Variants in NSRP1 observed in about 807,000 individuals in gnomAD.
NSRP1 encodes nuclear speckle splicing regulatory protein 1, also known as coiled-coil domain containing 55.
A neutral mutation model predicts 54.7 loss-of-function variants in NSRP1; 24 were observed. The observed-to-expected ratio is 0.44, with a 90% confidence interval of 0.32 to 0.62. The LOEUF is 0.62. Ranked by LOEUF, NSRP1 falls within the 20% of genes least tolerant of loss-of-function variation. The pLI, the probability that NSRP1 is intolerant of heterozygous loss-of-function variation, is 0.06. For synonymous variants in NSRP1, 210 were observed against 213.8 expected (o/e 0.98, Z 0.15); for missense variants, 596 against 651.2 (o/e 0.92, Z 0.92).
At chr17:30,135,284 A>C (rs547354411) in intron 2 of NSRP1, among the ~76,000 whole-genome samples, 2 of 151,156 alleles carry the variant, frequency 1.3e-5, no homozygotes, top group African/African-American at 4.9e-5. Context: ...ATGCCCAGCT[A>C]ATTTTTGTAT....
chr17:30,157,341 A>G (rs1041417919), intron 2 of NSRP1, among the ~76,000 whole-genome samples: 4 of 152,100 alleles, frequency 2.6e-5, no homozygotes, highest in Middle Eastern at 3.2e-3. Context: ...TATAATTTAC[A>G]TATTTATGGT....
intron 2 of NSRP1, among the ~76,000 whole-genome samples, chr17:30,149,834 CAAA>C (rs773066888): frequency 1.2e-4 from 12 of 98,696 alleles, no homozygotes; most frequent in Non-Finnish European, 4.1e-5. Context: ...GACCCTGTCT[CAAA>C]AAAAAAAAAA....
intron 2 of NSRP1, among the ~76,000 whole-genome samples, chr17:30,162,717 AAG>A (rs1904564194): frequency 6.6e-6 from 1 of 152,166 alleles, no homozygotes; most frequent in South Asian, 2.1e-4. Context: ...TTTCTACAAA[AAG>A]AAAAAATTCA....
chr17:30,179,697 G>A (rs1015742928), intron 5 of NSRP1, among the ~76,000 whole-genome samples: 1 of 151,954 alleles, frequency 6.6e-6, no homozygotes, highest in African/African-American at 2.4e-5. Flanking sequence ...CACCACTCAA[G>A]GAGGATCAAT....
intron 2 of NSRP1, among the ~76,000 whole-genome samples, chr17:30,118,834 C>T (rs953146941): frequency 1.5e-4 from 23 of 151,582 alleles, no homozygotes; most frequent in African/African-American, 5.3e-4. Context: ...CTGCAACCTC[C>T]GCCTCCTGGG....
At chr17:30,139,344 C>G (rs2071782137) in intron 2 of NSRP1, among the ~76,000 whole-genome samples, 1 of 152,124 alleles carries the variant, frequency 6.6e-6, no homozygotes, top group South Asian at 2.1e-4. Context: ...TTTCACTCTG[C>G]TGAAAGGGTC....
intron 5 of NSRP1, among the ~76,000 whole-genome samples, 198 bp from the exon 6 acceptor site, chr17:30,180,710 A>G (rs926683518): frequency 2.6e-5 from 4 of 152,204 alleles, no homozygotes; most frequent in Non-Finnish European, 5.9e-5. Flanking sequence ...GTTGTGGACA[A>G]TACATAAATG....
At chr17:30,156,840 C>A (rs1292921441) in intron 2 of NSRP1, among the ~76,000 whole-genome samples, 1 of 151,998 alleles carries the variant, frequency 6.6e-6, no homozygotes, top group African/African-American at 2.4e-5. Flanking sequence ...TTTTTATGGC[C>A]AAATGGTACT....
At chr17:30,136,943 T>TA (rs1425439331) in intron 2 of NSRP1, among the ~76,000 whole-genome samples, 2 of 152,206 alleles carry the variant, frequency 1.3e-5, no homozygotes, top group Admixed American at 1.3e-4. Context: ...AGCACCTTGC[T>TA]AAACTCTTCT....
intron 1 of NSRP1, 169 bp from the exon 2 acceptor site, chr17:30,117,910 AC>A: frequency 1.8e-6 from 1 of 555,108 alleles, no homozygotes; most frequent in East Asian, 2.8e-5. Context: ...ATAGAATCTT[AC>A]GGCATGTTAG....
At chr17:30,147,757 C>G (rs888149825) in intron 2 of NSRP1, among the ~76,000 whole-genome samples, 3 of 151,828 alleles carry the variant, frequency 2.0e-5, no homozygotes, top group Non-Finnish European at 4.4e-5. Context: ...GCCAGTGCGC[C>G]CAGCCCCGGC....
intron 2 of NSRP1, among the ~76,000 whole-genome samples, chr17:30,131,786 CAT>C (rs573425146): frequency 7.2e-5 from 11 of 152,230 alleles, no homozygotes; most frequent in South Asian, 2.1e-4. Flanking sequence ...TTCTCGGTAA[CAT>C]GTGATGCTGT....
intron 2 of NSRP1, among the ~76,000 whole-genome samples, chr17:30,119,037 C>T (rs2071572703): frequency 1.3e-5 from 2 of 151,786 alleles, no homozygotes; most frequent in African/African-American, 2.4e-5. Flanking sequence ...CGTAAGCCAC[C>T]GCACCCAGTA....
At chr17:30,178,805 A>AT (rs1051629871) in intron 4 of NSRP1, among the ~76,000 whole-genome samples, 23 of 151,358 alleles carry the variant, frequency 1.5e-4, no homozygotes, top group African/African-American at 2.9e-4. Flanking sequence ...AACTTTTCTG[A>AT]TTTTTTTTTA....
At chr17:30,163,080 T>C (rs1181529665) in intron 2 of NSRP1, 21 of 151,660 alleles carry the variant, frequency 1.4e-4, no homozygotes, top group Admixed American at 1.4e-3. Flanking sequence ...AGACGGGGCT[T>C]CATCAGGTTG....
intron 2 of NSRP1, among the ~76,000 whole-genome samples, chr17:30,142,842 AT>A (rs1391026311): frequency 6.6e-6 from 1 of 152,120 alleles, no homozygotes; most frequent in Non-Finnish European, 1.5e-5. Context: ...ATGATTGCAA[AT>A]TTGGGTTTGT....
At chr17:30,122,906 T>A (rs1465844879) in intron 2 of NSRP1, among the ~76,000 whole-genome samples, 1 of 152,062 alleles carries the variant, frequency 6.6e-6, no homozygotes, top group East Asian at 1.9e-4. Context: ...GTTGGACACT[T>A]TTTTGTTTTT....
In NSRP1 at chr17:30,184,652, A is replaced by C. The variant is rs201551307; in HGVS notation, c.655A>C (p.Asn219His). The C allele has an allele frequency of 3.8e-6, 6 of 1,583,276 alleles. No homozygotes were observed. In the South Asian group the frequency reaches 7.0e-5, roughly 18 times the overall value. The change falls in exon 7 of 7, where the codon AAT (asparagine) becomes CAT (histidine). Residue 219 changes from asparagine (N) to histidine (H), a missense_variant. By Grantham distance (68) the Asn-to-His change is moderately conservative (BLOSUM62 1). Transcript: ENST00000247026. ...IKEEKSRGFS[N>H]EVSSKNRIPQ... ...GGAAGAAAAATCAAGGGGCTTCTCC[A>C]ATGAAGTAAGTTCAAAAAACAGAAT...
At chr17:30,170,537 A>G (rs1904891816) in intron 2 of NSRP1, among the ~76,000 whole-genome samples, 1 of 151,752 alleles carries the variant, frequency 6.6e-6, no homozygotes, top group Admixed American at 6.6e-5. Context: ...GTCAGGTACT[A>G]TTTTTCTTTT....
Sources: allele counts gnomAD v4.1 joint callset (sites outside exome capture counted in the v4.1 genomes callset), GRCh38; gene constraint gnomAD v4.1.1; transcripts MANE v1.5; gene names NCBI Gene and HGNC (gene_info 2026-07-23, HGNC 2026-07-21).